Variants in KLF8 observed in about 807,000 individuals in gnomAD.
KLF8 encodes the protein KLF transcription factor 8, also known as Krueppel-like factor 8.
A neutral mutation model predicts 18.2 loss-of-function variants in KLF8; 10 were observed. The ratio of observed to expected loss-of-function variants is 0.55; its 90% CI spans 0.34 to 0.93. The LOEUF is 0.93. Among genes scored for constraint, KLF8 ranks in the 40% least tolerant of loss-of-function variants. KLF8 has a pLI of 0.02. For synonymous variants in KLF8, 109 were observed against 97.3 expected, an observed-to-expected ratio of 1.12 and a Z score of -0.71; for missense variants, 264 against 277.9, an observed-to-expected ratio of 0.95 and a Z score of 0.36.
At chrX:56,282,090 G>C (rs1205465613) in intron 5 of KLF8, among the ~76,000 whole-genome samples, 1 of 112,419 alleles carries the variant, frequency 8.9e-6, no homozygotes, top group Non-Finnish European at 1.9e-5. Flanking sequence ...CAGCCATTGG[G>C]AGATGTGGAG....
At chrX:56,086,816 A>T in the KLF8 span, among the ~76,000 whole-genome samples, 104 of 111,308 alleles carry the variant, frequency 9.3e-4, no homozygotes, top group African/African-American at 3.3e-3. Context: ...CAATGGTTTA[A>T]TGTTCAGGCA....
At chrX:56,010,728 A>G in the KLF8 span, among the ~76,000 whole-genome samples, 14 of 112,288 alleles carry the variant, frequency 1.2e-4, no homozygotes, top group African/African-American at 4.5e-4. Flanking sequence ...TCTCACTTGC[A>G]AAGACATGCA....
intron 1 of KLF8, among the ~76,000 whole-genome samples, chrX:56,241,958 G>A (rs1275347143): frequency 1.8e-5 from 2 of 112,264 alleles, no homozygotes; most frequent in African/African-American, 6.5e-5. Context: ...TGAGGTGAAT[G>A]AGGAGTTATT....
At chrX:56,050,437 G>C in the KLF8 span, among the ~76,000 whole-genome samples, 1 of 110,227 alleles carries the variant, frequency 9.1e-6, no homozygotes, top group East Asian at 2.9e-4. Flanking sequence ...ACACTGCTTT[G>C]AATGTGTCCC....
the KLF8 span, among the ~76,000 whole-genome samples, chrX:56,215,865 A>G: frequency 2.1e-5 from 2 of 94,250 alleles, no homozygotes; most frequent in African/African-American, 8.3e-5. Context: ...AAAAAAAAAG[A>G]AAAGAAAAGA....
chrX:56,177,562 A>G, the KLF8 span, among the ~76,000 whole-genome samples: 10 of 111,291 alleles, frequency 9.0e-5, no homozygotes, highest in African/African-American at 2.9e-4. Context: ...GACCTACTTG[A>G]TGAGGCAGTC....
intron 1 of KLF8, among the ~76,000 whole-genome samples, chrX:56,235,926 G>A (rs1008140236): frequency 1.8e-5 from 2 of 112,144 alleles, no homozygotes; most frequent in African/African-American, 6.5e-5. Flanking sequence ...AAATGCTGCT[G>A]TGTGTTTGCA....
the KLF8 span, among the ~76,000 whole-genome samples, chrX:56,083,806 G>A: frequency 9.0e-6 from 1 of 111,248 alleles, no homozygotes; most frequent in Non-Finnish European, 1.9e-5. Flanking sequence ...GTGCATGTGA[G>A]GGATCTATGT....
chrX:56,231,281 C>G (rs1038057034), upstream of KLF8, among the ~76,000 whole-genome samples: 5 of 111,707 alleles, frequency 4.5e-5, no homozygotes, highest in African/African-American at 1.6e-4. Flanking sequence ...ATGAGATGCA[C>G]AGAAGACATT....
the KLF8 span, among the ~76,000 whole-genome samples, chrX:56,215,049 A>T: frequency 8.9e-6 from 1 of 112,367 alleles, no homozygotes; most frequent in Admixed American, 9.4e-5. Flanking sequence ...TCAGTAGACT[A>T]TGAGTCTTTT....
the KLF8 span, among the ~76,000 whole-genome samples, chrX:56,041,879 G>A: frequency 4.8e-3 from 530 of 111,289 alleles, 2 homozygotes; most frequent in Non-Finnish European, 6.6e-3. Context: ...TAGTAGAGAC[G>A]CAGTTTCACC....
the KLF8 span, among the ~76,000 whole-genome samples, chrX:56,174,610 TA>T: frequency 1.8e-5 from 2 of 111,961 alleles, no homozygotes; most frequent in East Asian, 5.6e-4. Context: ...GCTGGCCTCA[TA>T]AAATGAGTTA....
intron 1 of KLF8, among the ~76,000 whole-genome samples, chrX:56,245,890 C>T (rs915769514): frequency 4.5e-5 from 5 of 112,051 alleles, no homozygotes; most frequent in African/African-American, 1.6e-4. Flanking sequence ...AAAAACAGAG[C>T]CTTCTTTAAG....
At chrX:56,051,433 T>C in the KLF8 span, among the ~76,000 whole-genome samples, 1 of 111,106 alleles carries the variant, frequency 9.0e-6, no homozygotes, top group Non-Finnish European at 1.9e-5. Context: ...TGTTTAGTGC[T>C]TCCTTCAGGA....
chrX:56,259,752 C>T (rs999542014), intron 2 of KLF8, among the ~76,000 whole-genome samples: 3 of 110,673 alleles, frequency 2.7e-5, no homozygotes, highest in Non-Finnish European at 5.7e-5. Flanking sequence ...ACGATTTTTG[C>T]CACATCCTTG....
the KLF8 span, among the ~76,000 whole-genome samples, chrX:56,175,196 C>T: frequency 9.0e-6 from 1 of 111,551 alleles, no homozygotes; most frequent in Non-Finnish European, 1.9e-5. Flanking sequence ...GTTAGGGTGT[C>T]AATTTTAGAT....
At chrX:56,036,813 G>T in the KLF8 span, among the ~76,000 whole-genome samples, 1 of 111,724 alleles carries the variant, frequency 9.0e-6, no homozygotes, top group Non-Finnish European at 1.9e-5. Context: ...TCATAAGCAT[G>T]AGATGTCTTT....
At chrX:56,036,239 A>G in the KLF8 span, among the ~76,000 whole-genome samples, 2 of 111,822 alleles carry the variant, frequency 1.8e-5, no homozygotes, top group South Asian at 3.7e-4. Context: ...GGTTTTATTC[A>G]TAAATTATTT....
the KLF8 span, among the ~76,000 whole-genome samples, chrX:56,215,069 G>A: frequency 8.9e-6 from 1 of 111,899 alleles, no homozygotes; most frequent in Non-Finnish European, 1.9e-5. Flanking sequence ...TGCAGACAGT[G>A]GCCAGGTCTT....
Sources: gnomAD v4.1 joint callset for allele counts (sites outside exome capture counted in the v4.1 genomes callset) on GRCh38, gnomAD v4.1.1 for gene constraint, MANE v1.5 for transcripts, NCBI Gene and HGNC (gene_info 2026-07-23, HGNC 2026-07-21) for gene names.